The following IGLL5 variants were observed in gnomAD, a reference collection of about 807,000 sequenced individuals.
IGLL5 encodes the protein immunoglobulin lambda like polypeptide 5.
In IGLL5, 30 loss-of-function variants were observed where a neutral mutation model predicts 20.9. The ratio of observed to expected loss-of-function variants is 1.44; its 90% CI spans 1.07 to 1.95. The LOEUF (loss-of-function observed/expected upper bound fraction) is 1.95. IGLL5 is among the 30% of genes most tolerant of loss of function. The probability of loss-of-function intolerance (pLI) is 0.00; values close to 1 mark genes in which losing one functional copy is unlikely to be tolerated. For synonymous variants in IGLL5, 203 were observed against 117.3 expected, an observed-to-expected ratio of 1.73 and a Z score of -4.72; for missense variants, 475 against 270.7, an observed-to-expected ratio of 1.75 and a Z score of -5.30.
At chr22:22,893,325 C>T (rs1388428342) in intron 1 of IGLL5, among the ~76,000 whole-genome samples, 1 of 151,092 alleles carries the variant, frequency 6.6e-6, no homozygotes, top group Non-Finnish European at 1.5e-5. Context: ...CAGGAATGAC[C>T]CAGTGCTCTC....
intron 2 of IGLL5, among the ~76,000 whole-genome samples, chr22:22,894,518 A>G (rs1601626991): frequency 6.6e-6 from 1 of 151,426 alleles, no homozygotes; most frequent in African/African-American, 2.4e-5. Flanking sequence ...GAGCCCCGTC[A>G]CCTCTGGGGC....
intron 2 of IGLL5, among the ~76,000 whole-genome samples, chr22:22,894,071 C>G (rs1601623186): frequency 2.6e-5 from 4 of 151,458 alleles, no homozygotes; most frequent in South Asian, 2.1e-4. Context: ...GGCTCCTCCT[C>G]TCTTCCAGGG....
intron 1 of IGLL5, among the ~76,000 whole-genome samples, chr22:22,890,192 G>A (rs1601611506): frequency 6.7e-6 from 1 of 148,542 alleles, no homozygotes; most frequent in South Asian, 2.2e-4. Context: ...AAGCAGAGAA[G>A]TATATAAAGT....
chr22:22,890,283 C>G (rs1270832264), intron 1 of IGLL5, among the ~76,000 whole-genome samples: 1 of 148,800 alleles, frequency 6.7e-6, no homozygotes, highest in African/African-American at 2.5e-5. Flanking sequence ...ACTTCCAGAA[C>G]TTTTCCTGTG....
Position 22,895,406 on chromosome 22 carries a change from G to C in IGLL5, c.357G>C (p.Leu119=). 1 of 1,612,910 alleles carries C rather than the reference G, an allele frequency of 6.2e-7. No individual in the cohort carries two copies. Among genetic ancestry groups the C allele is most frequent in the Non-Finnish European group, 8.5e-7 (1 of 1,179,550 alleles). The change falls in exon 3 of 3, where the codon CTG becomes CTC. Residue 119 remains leucine (L), a synonymous_variant. Transcript: ENST00000526893. ...CCAAGGCCAACCCCACTGTCACTCT[G>C]TTCCCGCCCTCCTCTGAGGAGCTCC... ...GQPKANPTVT[L]FPPSSEELQA...
intron 2 of IGLL5, among the ~76,000 whole-genome samples, chr22:22,894,722 G>A (rs1369584458): frequency 1.3e-5 from 2 of 151,450 alleles, no homozygotes; most frequent in Admixed American, 6.6e-5. Context: ...GCAGCCCCAG[G>A]AACAGCTGAG....
At chr22:22,889,080 T>A (rs534139231) in intron 1 of IGLL5, among the ~76,000 whole-genome samples, 8 of 151,214 alleles carry the variant, frequency 5.3e-5, no homozygotes, top group Middle Eastern at 3.7e-3. Flanking sequence ...TTTAGGTAGA[T>A]TGATTATCAG....
Position 22,888,120 on chromosome 22 carries a change from C to G in IGLL5, c.67C>G (p.Arg23Gly). 1 of 1,549,464 alleles carries G rather than the reference C, an allele frequency of 6.5e-7. No homozygotes were observed. The highest frequency in any genetic ancestry group is 8.7e-7 in the Non-Finnish European group (1 of 1,146,754). ...PEELGPGPRQ[R>G]WPLLLLGLAM... The stretch of plus-strand genomic sequence containing the variant: ...GGAGCTGGGCCCTGGTCCCAGGCAG[C>G]GCTGGCCCCTGCTGCTGCTGGGTCT... Residue 23 changes from arginine to glycine, a missense_variant, in exon 1 of 3, where the codon CGC (arginine) becomes GGC (glycine). Physicochemically the swap from Arg to Gly is moderately radical, Grantham distance 125. Transcript: ENST00000526893.
At chr22:22,888,403 T>C (rs571226999) in intron 1 of IGLL5, 144 bp downstream of exon 1, 7 of 652,394 alleles carry the variant, frequency 1.1e-5, no homozygotes, top group South Asian at 1.9e-5. Context: ...AGTAATGGGT[T>C]GATATTTTGT....
chr22:22,889,353 T>C (rs563757786), intron 1 of IGLL5, among the ~76,000 whole-genome samples: 4 of 151,096 alleles, frequency 2.6e-5, no homozygotes, highest in South Asian at 2.1e-4. Flanking sequence ...GCATTAAAAA[T>C]GTATAACCAT....
In IGLL5 at chr22:22,888,125, G is replaced by T; in HGVS notation, c.72G>T (p.Trp24Cys). 6.5e-7 allele frequency: 1 copy of T among 1,549,766 alleles called. No individual in the cohort carries two copies. The highest frequency in any genetic ancestry group is 8.7e-7 in the Non-Finnish European group (1 of 1,146,858). Reference protein sequence around the residue: ...EELGPGPRQRWPLLLLGLAMV... With the variant: ...EELGPGPRQRCPLLLLGLAMV... ...TGGGCCCTGGTCCCAGGCAGCGCTGGCCCCTGCTGCTGCTGGGTCTGGCCA... is the reference window on the plus strand; with the variant it reads ...TGGGCCCTGGTCCCAGGCAGCGCTGTCCCCTGCTGCTGCTGGGTCTGGCCA... The change falls in exon 1 of 3, where the codon TGG becomes TGT. Residue 24 changes from tryptophan (W) to cysteine (C), a missense_variant. Transcript: ENST00000526893.
In IGLL5 at chr22:22,887,841, A is replaced by G. The variant is rs2067551069; in HGVS notation, c.-213A>G. On this transcript the variant is annotated 5_prime_UTR_variant, in exon 1 of 3. An upstream start codon of the reference 5' UTR is lost. Coordinates refer to ENST00000526893, the MANE Select transcript of IGLL5 (RefSeq NM_001178126.2). ...GTGACCGCTTCAGGGCAGTTGGTAGATGCCCCTCTGGGAGAGATCCCCAGG... is the reference window on the plus strand; with the variant it reads ...GTGACCGCTTCAGGGCAGTTGGTAGGTGCCCCTCTGGGAGAGATCCCCAGG... The G allele has an allele frequency of 3.3e-6, 2 of 606,916 alleles. No homozygotes were observed. The highest frequency in any genetic ancestry group is 3.0e-6 in the Non-Finnish European group (1 of 338,796). 37.6% of individuals were successfully genotyped at this position (606,916 alleles called of 1,614,324 possible).
intron 2 of IGLL5, among the ~76,000 whole-genome samples, chr22:22,894,385 G>T (rs142562054): frequency 6.6e-6 from 1 of 151,482 alleles, no homozygotes; most frequent in African/African-American, 2.4e-5. Context: ...GCCTGTGCTG[G>T]GTCATGAGGA....
chr22:22,888,755 G>A (rs143604616), intron 1 of IGLL5, among the ~76,000 whole-genome samples: 50 of 151,048 alleles, frequency 3.3e-4, no homozygotes, highest in Middle Eastern at 7.5e-3. Flanking sequence ...GCACATAAAT[G>A]CTTACTGGGG....
At chr22:22,890,752 T>C (rs1601613120) in intron 1 of IGLL5, among the ~76,000 whole-genome samples, 2 of 151,256 alleles carry the variant, frequency 1.3e-5, no homozygotes, top group East Asian at 2.0e-4. Flanking sequence ...CCTTCGCTCC[T>C]ACATTCTTAC....
Position 22,893,935 on chromosome 22 carries a change from A to AAG in IGLL5, c.325+117_325+118insAG, listed in dbSNP as rs2067951715. 3.5e-5 allele frequency: 27 copies of AAG among 775,334 alleles called. 1 individual carries two copies. Among genetic ancestry groups the AAG allele is most frequent in the Admixed American group, 1.5e-4 (8 of 51,856 alleles). 48.0% of individuals were successfully genotyped at this position (775,334 alleles called of 1,614,324 possible). ...CTCCCAGCCTTAAGCACTGACCCTT[A>AAG]CCTTTCTCCATGGGGCCTGGAGGAG... On this transcript the variant is annotated intron_variant, in intron 2 of 2. Transcript: ENST00000526893.
chr22:22,889,741 C>G (rs2145999628), intron 1 of IGLL5, among the ~76,000 whole-genome samples: 1 of 151,280 alleles, frequency 6.6e-6, no homozygotes, highest in Non-Finnish European at 1.5e-5. Context: ...ATGCAGGCCA[C>G]TACACCTGGC....
chr22:22,888,359 A>C (rs1282466031), intron 1 of IGLL5, 100 bp downstream of exon 1: 5 of 1,134,542 alleles, frequency 4.4e-6, no homozygotes, highest in South Asian at 1.5e-5. Flanking sequence ...AGGAAGGTTA[A>C]CCCCTAAGAG....
At chr22:22,888,568 G>C (rs561198595) in intron 1 of IGLL5, among the ~76,000 whole-genome samples, 1 of 151,406 alleles carries the variant, frequency 6.6e-6, no homozygotes, top group African/African-American at 2.4e-5. Context: ...AACAGAGGCA[G>C]GGACAGGACA....
Sources: allele counts gnomAD v4.1 joint callset (sites outside exome capture counted in the v4.1 genomes callset), GRCh38; gene constraint gnomAD v4.1.1; transcripts MANE v1.5; gene names NCBI Gene and HGNC (gene_info 2026-07-23, HGNC 2026-07-21).